The following ABL1 variants were observed in gnomAD, a reference collection of about 807,000 sequenced individuals.
The protein encoded by ABL1 is tyrosine-protein kinase ABL1.
ABL1 carries 11 observed loss-of-function variants against 94.7 expected under a neutral mutation model. That is an observed-to-expected ratio of 0.12 (90% CI 0.07 to 0.19). The LOEUF is 0.19. ABL1 is among the 10% of genes least tolerant of loss of function. The probability of loss-of-function intolerance (pLI) is 1.00; values close to 1 mark genes in which losing one functional copy is unlikely to be tolerated. For missense variants in ABL1, 1,082 were observed against 1,489.4 expected (o/e 0.73, Z 4.50); for synonymous variants, 656 against 622.4 (o/e 1.05, Z -0.80).
chr9:130,743,633 A>G (rs1046802445), intron 1 of ABL1, among the ~76,000 whole-genome samples: 1 of 152,184 alleles, frequency 6.6e-6, no homozygotes, highest in Admixed American at 6.5e-5. Flanking sequence ...CCCAGAGAGG[A>G]GAGAGAGAGA....
At position 130,780,067 on chromosome 9, in the gene ABL1, C is replaced by T. The variant is rs34224906; in HGVS notation, c.136+65612C>T. ...TTGGGAGGCCGAGGTGGCTGGATCACGAGGTCAGGAGTTCAAGACCAGCCT... is the reference window on the plus strand; with the variant it reads ...TTGGGAGGCCGAGGTGGCTGGATCATGAGGTCAGGAGTTCAAGACCAGCCT... On this transcript the variant is annotated intron_variant, in intron 1 of 10. Coordinates refer to the ABL1 transcript ENST00000372348. Among the ~76,000 whole-genome samples the T allele has an allele frequency of 9.0e-3, 1,363 of 152,198 alleles. 6 individuals carry two copies. Among genetic ancestry groups the T allele is most frequent in the Non-Finnish European group, 0.014 (947 of 68,006 alleles).
At chr9:130,836,386 A>C (rs1426830501) in intron 1 of ABL1, among the ~76,000 whole-genome samples, 1 of 151,764 alleles carries the variant, frequency 6.6e-6, no homozygotes, top group East Asian at 1.9e-4. Flanking sequence ...ATGGGTCTTC[A>C]CTTTCGTAGC....
chr9:130,785,386 C>T (rs35533290), intron 1 of ABL1, among the ~76,000 whole-genome samples: 2,007 of 152,284 alleles, frequency 0.013, 14 homozygotes, highest in Non-Finnish European at 0.021. Flanking sequence ...CTCTGGATCA[C>T]GCCCTCTGAC....
intron 1 of ABL1, among the ~76,000 whole-genome samples, chr9:130,789,643 A>G (rs961925777): frequency 5.3e-5 from 8 of 152,334 alleles, no homozygotes; most frequent in African/African-American, 1.7e-4. Context: ...CTATAAGTTA[A>G]TTTACTACCT....
At chr9:130,882,753 C>G (rs1831482513) in intron 10 of ABL1, among the ~76,000 whole-genome samples, 1 of 152,134 alleles carries the variant, frequency 6.6e-6, no homozygotes, top group Non-Finnish European at 1.5e-5. Flanking sequence ...CCAGGATGGT[C>G]TCTATCTCTT....
intron 1 of ABL1, among the ~76,000 whole-genome samples, chr9:130,773,628 CTTTTTTTTTT>C (rs57265547): frequency 1.8e-5 from 2 of 109,000 alleles, no homozygotes; most frequent in Non-Finnish European, 3.8e-5. Flanking sequence ...CTGGCTAACT[CTTTTTTTTTT>C]TTTTTTTTTT....
intron 1 of ABL1, among the ~76,000 whole-genome samples, chr9:130,745,181 T>C (rs997018832): frequency 4.0e-5 from 6 of 150,014 alleles, no homozygotes; most frequent in African/African-American, 1.5e-4. Context: ...ACCTCCTGGG[T>C]TCAAGCGATT....
At chr9:130,762,909 C>CAAAAAAAA (rs5900905) in intron 1 of ABL1, among the ~76,000 whole-genome samples, 2 of 92,880 alleles carry the variant, frequency 2.2e-5, no homozygotes, top group East Asian at 2.6e-4. Flanking sequence ...GACTCCGTCT[C>CAAAAAAAA]AAAAAAAAAA....
At chr9:130,714,680 C>T (rs539483993) in intron 1 of ABL1, among the ~76,000 whole-genome samples, 2 of 152,268 alleles carry the variant, frequency 1.3e-5, no homozygotes, top group South Asian at 4.1e-4. Flanking sequence ...TTGCCTGATT[C>T]CTCTGCTAAT....
chr9:130,882,326 T>C (rs1316065105), intron 10 of ABL1, among the ~76,000 whole-genome samples: 1 of 152,196 alleles, frequency 6.6e-6, no homozygotes, highest in Non-Finnish European at 1.5e-5. Context: ...CATTGCAATT[T>C]CACTCTCCTG....
chr9:130,838,971 A>G (rs1338564914), intron 1 of ABL1, among the ~76,000 whole-genome samples: 1 of 152,120 alleles, frequency 6.6e-6, no homozygotes, highest in Non-Finnish European at 1.5e-5. Context: ...CTGCAGTGGC[A>G]CAATCACAGC....
At chr9:130,744,213 G>C (rs982748548) in intron 1 of ABL1, among the ~76,000 whole-genome samples, 9 of 151,654 alleles carry the variant, frequency 5.9e-5, no homozygotes, top group African/African-American at 1.9e-4. Flanking sequence ...CACAATCTCG[G>C]CTCACTGCAA....
At chr9:130,805,571 A>G (rs1281950511) in intron 1 of ABL1, among the ~76,000 whole-genome samples, 1 of 152,206 alleles carries the variant, frequency 6.6e-6, no homozygotes, top group Admixed American at 6.5e-5. Context: ...AAAGAGAAAA[A>G]GTAGGAGGGG....
chr9:130,815,829 C>T (rs1185304845), intron 1 of ABL1, among the ~76,000 whole-genome samples: 1 of 152,090 alleles, frequency 6.6e-6, no homozygotes, highest in African/African-American at 2.4e-5. Context: ...CGAGACCAGC[C>T]TGGCCAACAT....
At chr9:130,740,196 ACAAT>A (rs1489928143) in intron 1 of ABL1, among the ~76,000 whole-genome samples, 1 of 152,242 alleles carries the variant, frequency 6.6e-6, no homozygotes, top group Admixed American at 6.5e-5. Context: ...TCACACACAC[ACAAT>A]CAATCAAACA....
At chr9:130,777,534 T>C (rs1056077832) in intron 1 of ABL1, among the ~76,000 whole-genome samples, 2 of 144,424 alleles carry the variant, frequency 1.4e-5, no homozygotes. Context: ...GGCTTTGTGT[T>C]GGGACGCTGA....
chr9:130,880,716 G>T lies in ABL1; in HGVS notation c.1678+52G>T. 4 of 1,594,120 alleles carry T rather than the reference G, an allele frequency of 2.5e-6. No homozygotes were observed. Among genetic ancestry groups the T allele is most frequent in the Non-Finnish European group, 3.4e-6 (4 of 1,170,854 alleles). ...ACTGCTCTTCCCTTCCCTGCCAGAG[G>T]CTACATTCAGGCCATCATAGGCCAA... On this transcript the variant is annotated intron_variant, in intron 10 of 10. Coordinates refer to ENST00000318560, the MANE Select transcript of ABL1 (RefSeq NM_005157.6). The surrounding 1 kb of genome is among the most constrained non-coding windows in gnomAD (Gnocchi z 4.4).
chr9:130,830,401 G>T (rs761044053), upstream of ABL1, among the ~76,000 whole-genome samples: 13 of 152,188 alleles, frequency 8.5e-5, no homozygotes, highest in Non-Finnish European at 1.9e-4. Context: ...TTCAAGATGC[G>T]GGGGTGTGGG....
chr9:130,714,155 T>A, exon 1 of ABL1: 1 of 596,972 alleles, frequency 1.7e-6, no homozygotes, highest in Non-Finnish European at 2.5e-6. Flanking sequence ...AAAAAAGTGC[T>A]TCCTTTTGTT....
Sources: allele counts gnomAD v4.1 joint callset (sites outside exome capture counted in the v4.1 genomes callset), GRCh38; gene constraint gnomAD v4.1.1; non-coding constraint Gnocchi (gnomAD v3.1); transcripts MANE v1.5; gene names NCBI Gene and HGNC (gene_info 2026-07-23, HGNC 2026-07-21).